P2RX4: variants seen among roughly 807,000 people sequenced by gnomAD.
P2RX4 encodes the protein purinergic receptor P2X 4, also known as P2X purinoceptor 4.
In P2RX4, 37 loss-of-function variants were observed where a neutral mutation model predicts 48.0. The observed-to-expected ratio is 0.77, with a 90% CI of 0.59 to 1.01. The LOEUF is 1.01. Ranked by LOEUF, P2RX4 falls within the 50% of genes least tolerant of loss-of-function variation. The pLI, the probability that P2RX4 is intolerant of heterozygous loss-of-function variation, is 0.00. For synonymous variants in P2RX4, 200 were observed against 199.7 expected, an observed-to-expected ratio of 1.00 and a Z score of -0.01; for missense variants, 501 against 521.4, an observed-to-expected ratio of 0.96 and a Z score of 0.38.
Position 121,232,924 on chromosome 12 carries a change from G to A in P2RX4, c.1045-73G>A, listed in dbSNP as rs530132436. 2.7e-5 allele frequency: 29 copies of A among 1,058,660 alleles called. No individual in the cohort carries two copies. The highest frequency in any genetic ancestry group is 4.1e-5 in the Non-Finnish European group (28 of 675,818). 65.6% of individuals were successfully genotyped at this position (1,058,660 alleles called of 1,614,324 possible). ...TAAAGATTCCAGGCTTCTCAGGAAG[G>A]GGCACGCAAAGAATAAGATGGGTTG... On this transcript the variant is annotated intron_variant, in intron 10 of 11. Transcript: ENST00000337233. The surrounding 1 kb of genome is among the most constrained non-coding windows in gnomAD (Gnocchi z 4.3).
Position 121,232,886 on chromosome 12 carries a change from C to A in P2RX4, c.1045-111C>A. 1.1e-6 allele frequency: 1 copy of A among 916,310 alleles called. No homozygotes were observed. Among genetic ancestry groups the A allele is most frequent in the Non-Finnish European group, 1.8e-6 (1 of 551,236 alleles). The allele number at this position is 916,310 out of a possible 1,614,324, so 56.8% of individuals were successfully genotyped here. A position where few individuals can be genotyped will look rare whatever the true frequency, so the allele number is the denominator to read the frequency against. On this transcript the variant is annotated intron_variant, in intron 10 of 11. Transcript: ENST00000337233. The surrounding 1 kb of genome is among the most constrained non-coding windows in gnomAD (Gnocchi z 4.3). The stretch of plus-strand genomic sequence containing the variant: ...GCCTTCTCCCAAGAGATGGGAGTGC[C>A]TTTCCATTCCGGTAAAGATTCCAGG...
chr12:121,232,370 C>A lies in P2RX4; in HGVS notation c.885-44C>A. 1 of 1,357,626 alleles carries A rather than the reference C, an allele frequency of 7.4e-7. No homozygotes were observed. 84.1% of individuals were successfully genotyped at this position (1,357,626 alleles called of 1,614,324 possible). A position where few individuals can be genotyped will look rare whatever the true frequency, so the allele number is the denominator to read the frequency against. On this transcript the variant is annotated intron_variant, in intron 8 of 11. Coordinates refer to ENST00000337233, the MANE Select transcript of P2RX4 (RefSeq NM_002560.3). This position sits in a 1 kb window ranked among gnomAD's most constrained non-coding sequence, Gnocchi z 4.3. ...AACGTTCTCTCACAGGGCCCAAGGT[C>A]CTGCCCCAGCCATCTCCCCCTGATC...
intron 5 of P2RX4, among the ~76,000 whole-genome samples, chr12:121,226,432 A>T (rs1886979659): frequency 6.6e-6 from 1 of 151,544 alleles, no homozygotes; most frequent in Non-Finnish European, 1.5e-5. Context: ...TAATCCCACT[A>T]CTCAGGAGGC....
chr12:121,227,012 G>A (rs887109843), intron 5 of P2RX4, among the ~76,000 whole-genome samples: 1 of 152,110 alleles, frequency 6.6e-6, no homozygotes, highest in African/African-American at 2.4e-5. Flanking sequence ...CTACTCGGGA[G>A]GCTGAGGCAG....
chr12:121,232,928 A>G lies in P2RX4; in HGVS notation c.1045-69A>G, dbSNP rs1488224592. 9.2e-7 allele frequency: 1 copy of G among 1,089,650 alleles called. No homozygotes were observed. The highest frequency in any genetic ancestry group is 1.4e-6 in the Non-Finnish European group (1 of 703,502). The allele number at this position is 1,089,650 out of a possible 1,614,324, so 67.5% of individuals were successfully genotyped here. A position where few individuals can be genotyped will look rare whatever the true frequency, so the allele number is the denominator to read the frequency against. ...GATTCCAGGCTTCTCAGGAAGGGGC[A>G]CGCAAAGAATAAGATGGGTTGATGG... On this transcript the variant is annotated intron_variant, in intron 10 of 11. Coordinates refer to ENST00000337233, the MANE Select transcript of P2RX4 (RefSeq NM_002560.3). This position sits in a 1 kb window ranked among gnomAD's most constrained non-coding sequence, Gnocchi z 4.3.
At chr12:121,233,378 C>A in intron 11 of P2RX4, 145 bp from the exon 12 acceptor site, 1 of 793,528 alleles carries the variant, frequency 1.3e-6, no homozygotes, top group Non-Finnish European at 2.1e-6. Context: ...TACTTCAGTG[C>A]ACCTTGCGGA....
At chr12:121,214,790 C>CT (rs1886115315) in intron 1 of P2RX4, 2 of 152,002 alleles carry the variant, frequency 1.3e-5, no homozygotes, top group Admixed American at 6.6e-5. Flanking sequence ...AATTTCTTTT[C>CT]TTTTTTTTGG....
intron 1 of P2RX4, among the ~76,000 whole-genome samples, chr12:121,211,297 G>A (rs545925904): frequency 6.6e-6 from 1 of 152,204 alleles, no homozygotes; most frequent in Admixed American, 6.5e-5. Flanking sequence ...CTGCCTCCCG[G>A]GTTCAAGCAA....
intron 2 of P2RX4, among the ~76,000 whole-genome samples, chr12:121,219,577 G>GTGGATGGATGGATGGATGGA (rs767985861): frequency 7.9e-5 from 11 of 139,598 alleles, no homozygotes; most frequent in African/African-American, 1.6e-4. Context: ...TGGATGGGTG[G>GTGGATGGATGGATGGATGGA]TGGATGGATG....
At chr12:121,215,353 T>C (rs946465473) in intron 1 of P2RX4, 4 of 152,126 alleles carry the variant, frequency 2.6e-5, no homozygotes, top group African/African-American at 7.2e-5. Context: ...TTGGCCAAAG[T>C]TATGCCTCGT....
intron 2 of P2RX4, among the ~76,000 whole-genome samples, chr12:121,218,643 G>A (rs758430725): frequency 6.6e-6 from 1 of 152,138 alleles, no homozygotes; most frequent in Non-Finnish European, 1.5e-5. Flanking sequence ...TTACTGGGCA[G>A]ATGAGGAAGG....
At chr12:121,214,330 C>T (rs1886082286) in intron 1 of P2RX4, 1 of 151,942 alleles carries the variant, frequency 6.6e-6, no homozygotes, top group Admixed American at 6.6e-5. Flanking sequence ...TTTTGTCCGT[C>T]TTGCTATAAT....
chr12:121,223,683 C>A (rs1313869916), intron 5 of P2RX4, among the ~76,000 whole-genome samples: 1 of 152,190 alleles, frequency 6.6e-6, no homozygotes, highest in Non-Finnish European at 1.5e-5. Context: ...TGTGCACAAA[C>A]ACATACACAC....
At position 121,231,579 on chromosome 12, in the gene P2RX4, T is replaced by A. The variant is rs890554209; in HGVS notation, c.885-835T>A. ...TGGCTCCTTCCCCTTAGCCTGATGT[T>A]TTCAAGCTTCATCCATGTCGTAGCC... On this transcript the variant is annotated intron_variant, in intron 8 of 11. Coordinates refer to ENST00000337233, the MANE Select transcript of P2RX4 (RefSeq NM_002560.3). 1.3e-5 allele frequency among the ~76,000 whole-genome samples: 2 copies of A among 152,138 alleles called. 1 individual carries two copies.
chr12:121,221,712 T>C (rs1405164662), intron 2 of P2RX4, among the ~76,000 whole-genome samples: 2 of 152,198 alleles, frequency 1.3e-5, no homozygotes, highest in Non-Finnish European at 2.9e-5. Flanking sequence ...CTTTTGGCTC[T>C]TGTGAAAAGT....
In P2RX4 at chr12:121,233,099, C is replaced by A; in HGVS notation, c.1140+7C>A. 1 of 1,581,796 alleles carries A rather than the reference C, an allele frequency of 6.3e-7. No homozygotes were observed. The highest frequency in any genetic ancestry group is 8.7e-7 in the Non-Finnish European group (1 of 1,152,090). ...TGTGGAAGATTACGAGCAGGTAGGC[C>A]CCTCCTGGCCCCCAGCAGGCACAGG... is the stretch of plus-strand genomic sequence containing the variant. On this transcript the variant is annotated splice_region_variant and intron_variant, in intron 11 of 11. Transcript: ENST00000337233.
At chr12:121,230,993 T>TTCC (rs1555238307) in intron 8 of P2RX4, among the ~76,000 whole-genome samples, 1 of 147,876 alleles carries the variant, frequency 6.8e-6, no homozygotes, top group East Asian at 2.0e-4. Context: ...TTTTTTTTTT[T>TTCC]TTCTTCTTTT....
In P2RX4 at chr12:121,232,391, T is replaced by C. The variant is rs112503778; in HGVS notation, c.885-23T>C. On this transcript the variant is annotated intron_variant, in intron 8 of 11. Transcript: ENST00000337233. This position sits in a 1 kb window ranked among gnomAD's most constrained non-coding sequence, Gnocchi z 4.3. The stretch of plus-strand genomic sequence containing the variant: ...AGGTCCTGCCCCAGCCATCTCCCCC[T>C]GATCCATCCTCCTTCCCCTCAGGTT... 7.6e-6 allele frequency: 9 copies of C among 1,185,928 alleles called. No homozygotes were observed. The highest frequency in any genetic ancestry group is 2.0e-5 in the African/African-American group (1 of 50,940). 73.5% of individuals were successfully genotyped at this position (1,185,928 alleles called of 1,614,324 possible).
chr12:121,229,683 C>A lies in P2RX4; in HGVS notation c.884+584C>A, dbSNP rs1340694682. On this transcript the variant is annotated intron_variant, in intron 8 of 11. Transcript: ENST00000337233. The surrounding 1 kb of genome is among the most constrained non-coding windows in gnomAD (Gnocchi z 4.6). The stretch of plus-strand genomic sequence containing the variant: ...CTCACAGTTCTCACAGTTCTAGAGG[C>A]CACAACCTAAAATCCAGGCATCAGC... Among the ~76,000 whole-genome samples, 1 of 152,134 alleles carries A rather than the reference C, an allele frequency of 6.6e-6. No individual in the cohort carries two copies. The highest frequency in any genetic ancestry group is 1.5e-5 in the Non-Finnish European group (1 of 68,032).
Sources: allele counts gnomAD v4.1 joint callset (sites outside exome capture counted in the v4.1 genomes callset), GRCh38; gene constraint gnomAD v4.1.1; non-coding constraint Gnocchi (gnomAD v3.1); transcripts MANE v1.5; gene names NCBI Gene and HGNC (gene_info 2026-07-23, HGNC 2026-07-21).